ABCA13: variants seen among roughly 807,000 people sequenced by gnomAD.
ABCA13 encodes the protein ATP-binding cassette sub-family A member 13.
In ABCA13, 476 loss-of-function variants were observed where a neutral mutation model predicts 478.7. The ratio of observed to expected loss-of-function variants is 0.99; its 90% confidence interval spans 0.92 to 1.07. The LOEUF is 1.07. Among genes scored for constraint, ABCA13 ranks in the 50% least tolerant of loss-of-function variants. The pLI is 0.00. For missense variants in ABCA13, 6,060 were observed against 5,910.6 expected, an observed-to-expected ratio of 1.03 and a Z score of -0.83; for synonymous variants, 2,252 against 2,158.9, an observed-to-expected ratio of 1.04 and a Z score of -1.20.
intron 15 of ABCA13, among the ~76,000 whole-genome samples, chr7:48,253,866 A>G (rs528929485): frequency 6.6e-6 from 1 of 151,544 alleles, no homozygotes; most frequent in African/African-American, 2.4e-5. Flanking sequence ...CCATATTACT[A>G]TTTCTTTAAA....
In ABCA13 at chr7:48,529,068, C is replaced by T. The variant is rs116257569; in HGVS notation, c.14354+723C>T. On this transcript the variant is annotated intron_variant, in intron 55 of 61. Coordinates refer to ENST00000435803, the MANE Select transcript of ABCA13 (RefSeq NM_152701.5). ...TGTGCTTGGTTGGGAACATTCAGGGCATGGTGCCTTCACGCCCCTTTCTGC... is the reference window on the plus strand; with the variant it reads ...TGTGCTTGGTTGGGAACATTCAGGGTATGGTGCCTTCACGCCCCTTTCTGC... 6.2e-3 allele frequency among the ~76,000 whole-genome samples: 939 copies of T among 152,300 alleles called. 9 individuals are homozygous for T. The highest frequency in any genetic ancestry group is 0.022 in the African/African-American group (896 of 41,568).
chr7:48,411,691 C>T (rs1819267879), intron 40 of ABCA13, among the ~76,000 whole-genome samples: 1 of 152,134 alleles, frequency 6.6e-6, no homozygotes, highest in African/African-American at 2.4e-5. Context: ...GGGTATAGAG[C>T]AAGTGGAGTC....
At chr7:48,619,746 T>G (rs1247161498) in intron 59 of ABCA13, among the ~76,000 whole-genome samples, 1 of 152,082 alleles carries the variant, frequency 6.6e-6, no homozygotes, top group Non-Finnish European at 1.5e-5. Flanking sequence ...GGAAGACACA[T>G]CCAGTTTGTT....
chr7:48,370,902 T>C (rs776068503), intron 32 of ABCA13, among the ~76,000 whole-genome samples: 1 of 151,768 alleles, frequency 6.6e-6, no homozygotes, highest in Non-Finnish European at 1.5e-5. Flanking sequence ...CTAAATGAAA[T>C]TGAAACAAAA....
intron 43 of ABCA13, among the ~76,000 whole-genome samples, chr7:48,459,308 T>C (rs1263783616): frequency 1.3e-5 from 2 of 152,114 alleles, no homozygotes; most frequent in Non-Finnish European, 2.9e-5. Context: ...TGCCACATCT[T>C]AGCATATCCT....
At chr7:48,316,942 G>T (rs1802678460) in intron 26 of ABCA13, among the ~76,000 whole-genome samples, 1 of 152,156 alleles carries the variant, frequency 6.6e-6, no homozygotes, top group Non-Finnish European at 1.5e-5. Flanking sequence ...AAGACTTCTT[G>T]TTAGGCTCCA....
At chr7:48,484,872 G>C (rs1047245690) in intron 47 of ABCA13, among the ~76,000 whole-genome samples, 3 of 152,218 alleles carry the variant, frequency 2.0e-5, no homozygotes, top group African/African-American at 7.2e-5. Flanking sequence ...AGAACTGCTG[G>C]CGGCTGATAC....
At chr7:48,325,895 C>A (rs1804252396) in intron 27 of ABCA13, among the ~76,000 whole-genome samples, 1 of 152,174 alleles carries the variant, frequency 6.6e-6, no homozygotes, top group Admixed American at 6.5e-5. Flanking sequence ...CTTAGTATGG[C>A]AGAGAAAATC....
At chr7:48,331,939 G>T (rs1162117439) in intron 27 of ABCA13, among the ~76,000 whole-genome samples, 1 of 152,062 alleles carries the variant, frequency 6.6e-6, no homozygotes, top group Non-Finnish European at 1.5e-5. Flanking sequence ...CACCAATCAG[G>T]TCTTCATTTC....
At chr7:48,607,795 T>G (rs1258048175) in intron 58 of ABCA13, among the ~76,000 whole-genome samples, 1 of 152,236 alleles carries the variant, frequency 6.6e-6, no homozygotes, top group Non-Finnish European at 1.5e-5. Context: ...TTGTTTATTT[T>G]GTGTTTGTGT....
chr7:48,364,609 A>T (rs901247397), intron 31 of ABCA13, among the ~76,000 whole-genome samples: 1 of 151,932 alleles, frequency 6.6e-6, no homozygotes, highest in African/African-American at 2.4e-5. Context: ...TCTACTTTCT[A>T]CCTCAATGAG....
intron 29 of ABCA13, among the ~76,000 whole-genome samples, chr7:48,348,715 C>T (rs1808480804): frequency 2.0e-5 from 3 of 152,118 alleles, no homozygotes; most frequent in Admixed American, 2.0e-4. Context: ...GAAAACAGTA[C>T]CAAGATTTTC....
chr7:48,451,241 G>T (rs895948199), intron 42 of ABCA13, among the ~76,000 whole-genome samples: 1 of 152,008 alleles, frequency 6.6e-6, no homozygotes, highest in Admixed American at 6.6e-5. Context: ...CAGGTAATCT[G>T]CTCCACCTTG....
At chr7:48,354,294 A>G (rs1394306935) in intron 31 of ABCA13, among the ~76,000 whole-genome samples, 1 of 152,004 alleles carries the variant, frequency 6.6e-6, no homozygotes, top group African/African-American at 2.4e-5. Flanking sequence ...GCTCCGGTTC[A>G]CAGGAGGAGA....
intron 48 of ABCA13, among the ~76,000 whole-genome samples, chr7:48,490,396 T>TTTTCAG (rs1829734060): frequency 6.6e-6 from 1 of 152,224 alleles, no homozygotes; most frequent in South Asian, 2.1e-4. Flanking sequence ...AGAAAACTGA[T>TTTTCAG]TTTCAGAAAA....
In ABCA13 at chr7:48,504,272, G is replaced by GATT. The variant is rs1292354515; in HGVS notation, c.13292-2063_13292-2062insTTA. ...TAAAGGAGATCTGTGTCTAGGTAAA[G>GATT]AATATGGGCTCTATATTTTTCTATT... On this transcript the variant is annotated intron_variant, in intron 48 of 61. Transcript: ENST00000435803. Among the ~76,000 whole-genome samples the GATT allele has an allele frequency of 3.9e-5, 6 of 152,280 alleles. No homozygotes were observed. In the East Asian group the frequency reaches 9.7e-4, roughly 25 times the overall value.
chr7:48,420,730 TC>T (rs888122645), intron 41 of ABCA13, among the ~76,000 whole-genome samples: 38 of 123,632 alleles, frequency 3.1e-4, no homozygotes, highest in South Asian at 1.3e-3. Flanking sequence ...TAGGGCTTGA[TC>T]TTTTTTTTTT....
chr7:48,386,824 G>A (rs1237793128), intron 35 of ABCA13, among the ~76,000 whole-genome samples: 1 of 152,084 alleles, frequency 6.6e-6, no homozygotes, highest in South Asian at 2.1e-4. Context: ...ACATAGTCAC[G>A]GACAAAGATT....
chr7:48,592,605 G>A (rs1188798795), intron 57 of ABCA13, among the ~76,000 whole-genome samples: 6 of 151,956 alleles, frequency 3.9e-5, no homozygotes, highest in Admixed American at 6.5e-5. Context: ...GGTCTAAAGG[G>A]TAGTTCAAGT....
Sources: allele counts gnomAD v4.1 joint callset (sites outside exome capture counted in the v4.1 genomes callset), GRCh38; gene constraint gnomAD v4.1.1; transcripts MANE v1.5; gene names NCBI Gene and HGNC (gene_info 2026-07-23, HGNC 2026-07-21).